VPS13D: variants seen among roughly 807,000 people sequenced by gnomAD.
The protein encoded by VPS13D is vacuolar protein sorting 13 homolog D.
VPS13D carries 187 observed loss-of-function variants against 461.9 expected under a neutral mutation model. The observed-to-expected ratio is 0.40, with a 90% confidence interval of 0.36 to 0.46. VPS13D has a LOEUF of 0.46. VPS13D is among the 20% of genes least tolerant of loss of function. The pLI is 0.60. For missense variants in VPS13D, 4,711 were observed against 5,364.9 expected, an observed-to-expected ratio of 0.88 and a Z score of 3.81; for synonymous variants, 1,951 against 1,986.3, an observed-to-expected ratio of 0.98 and a Z score of 0.47.
chr1:12,342,965 T>C lies in VPS13D; in HGVS notation c.8799T>C (p.Asp2933=). The C allele has an allele frequency of 6.2e-7, 1 of 1,614,000 alleles. No individual in the cohort carries two copies. Among genetic ancestry groups the C allele is most frequent in the South Asian group, 1.1e-5 (1 of 91,066 alleles). Reference sequence around the variant, plus strand: ...AAGGGAACGGAACATTTCTCGATGATACTCACAATGTTAGTGAATGGCGAG... The same window carrying C: ...AAGGGAACGGAACATTTCTCGATGACACTCACAATGTTAGTGAATGGCGAG... The part of the protein sequence containing the change: ...VPEGNGTFLD[D]THNVSEWREV... The change falls in exon 42 of 70, where the codon GAT becomes GAC. Residue 2933 remains aspartate, a synonymous_variant. Coordinates refer to ENST00000620676, the MANE Select transcript of VPS13D (RefSeq NM_015378.4).
intron 65 of VPS13D, among the ~76,000 whole-genome samples, chr1:12,421,288 C>A (rs1644860818): frequency 6.6e-6 from 1 of 152,212 alleles, no homozygotes; most frequent in African/African-American, 2.4e-5. Flanking sequence ...TGATCCCATT[C>A]CTGAGGTCAT....
At chr1:12,494,719 C>T (rs1645933206) in intron 67 of VPS13D, among the ~76,000 whole-genome samples, 1 of 152,170 alleles carries the variant, frequency 6.6e-6, no homozygotes, top group Admixed American at 6.5e-5. Flanking sequence ...AGGACACTGC[C>T]GTCATGTCCC....
At chr1:12,454,460 T>G (rs1050600255) in intron 65 of VPS13D, among the ~76,000 whole-genome samples, 3 of 152,306 alleles carry the variant, frequency 2.0e-5, no homozygotes, top group African/African-American at 7.2e-5. Context: ...AGCAAACAAA[T>G]AATGATAGGG....
rs748231307 is a variant in VPS13D, at chr1:12,261,107, T to C, written c.1372T>C (p.Ser458Pro). 9.3e-6 allele frequency: 15 copies of C among 1,614,144 alleles called. No individual in the cohort carries two copies. The highest frequency in any genetic ancestry group is 9.3e-6 in the Non-Finnish European group (11 of 1,180,020). ...AGAAGGGAATGTGGTTGAGGGACTG[T>C]CAGCAGAGCAACAGGAGCAGTGGAT... is the stretch of plus-strand genomic sequence containing the variant. Reference protein sequence around the residue: ...TPEGNVVEGLSAEQQEQWIPE... With the variant: ...TPEGNVVEGLPAEQQEQWIPE... The change falls in exon 12 of 70, where the codon TCA becomes CCA. Residue 458 changes from serine to proline, a missense_variant. By Grantham distance (74) the Ser-to-Pro change is moderately conservative. Coordinates refer to ENST00000620676, the MANE Select transcript of VPS13D (RefSeq NM_015378.4).
chr1:12,446,604 A>G (rs1465439706), intron 65 of VPS13D, among the ~76,000 whole-genome samples: 1 of 152,086 alleles, frequency 6.6e-6, no homozygotes, highest in Non-Finnish European at 1.5e-5. Context: ...GTATCTCCAT[A>G]TATGTCCATT....
intron 35 of VPS13D, among the ~76,000 whole-genome samples, chr1:12,327,323 C>T (rs1241631418): frequency 6.6e-6 from 1 of 152,204 alleles, no homozygotes; most frequent in African/African-American, 2.4e-5. Flanking sequence ...CTCTCCTCTC[C>T]TTCAACAGAT....
At position 12,353,960 on chromosome 1, in the gene VPS13D, T is replaced by C; in HGVS notation, c.9432-14T>C. 1 of 1,610,366 alleles carries C rather than the reference T, an allele frequency of 6.2e-7. No homozygotes were observed. Among genetic ancestry groups the C allele is most frequent in the Non-Finnish European group, 8.5e-7 (1 of 1,177,332 alleles). ...ATTAAGTCTGATGATTTTTACACCA[T>C]TTTATCTTCATAGGTTTTGTGTGGC... On this transcript the variant is annotated splice_polypyrimidine_tract_variant and intron_variant, in intron 46 of 69. Transcript: ENST00000620676.
chr1:12,352,160 A>G (rs2101595100), intron 46 of VPS13D, among the ~76,000 whole-genome samples: 1 of 151,708 alleles, frequency 6.6e-6, no homozygotes, highest in East Asian at 2.0e-4. Flanking sequence ...ACATGGTGGT[A>G]CACGCCTGTA....
At chr1:12,290,938 A>G in intron 22 of VPS13D, 60 bp from the exon 23 acceptor site, 1 of 1,512,708 alleles carries the variant, frequency 6.6e-7, no homozygotes, top group African/African-American at 1.4e-5. Context: ...TTCCAGACAT[A>G]TTTAAGTTGT....
At chr1:12,346,682 T>C (rs530270483) in intron 44 of VPS13D, 30 bp downstream of exon 44, 2 of 1,602,502 alleles carry the variant, frequency 1.2e-6, no homozygotes, top group East Asian at 4.5e-5. Flanking sequence ...TGTCATTGTG[T>C]TTATTGCGTA....
intron 65 of VPS13D, among the ~76,000 whole-genome samples, chr1:12,428,116 T>C (rs1413990216): frequency 6.6e-6 from 1 of 152,234 alleles, no homozygotes; most frequent in African/African-American, 2.4e-5. Context: ...TTCTACAGTG[T>C]TGGGGATGAG....
chr1:12,493,482 C>G (rs1456106459), intron 67 of VPS13D, among the ~76,000 whole-genome samples: 1 of 55,458 alleles, frequency 1.8e-5, no homozygotes, highest in African/African-American at 7.2e-5. Flanking sequence ...GACTCCATCT[C>G]AAAAAAAAAA....
Position 12,277,500 on chromosome 1 carries a change from G to A in VPS13D, c.3912G>A (p.Thr1304=). 2.5e-6 allele frequency: 4 copies of A among 1,614,082 alleles called. No individual in the cohort carries two copies. The highest frequency in any genetic ancestry group is 2.2e-5 in the South Asian group (2 of 91,080). Residue 1304 remains threonine, a synonymous_variant, in exon 19 of 70, where the codon ACG becomes ACA. Transcript: ENST00000620676. ...NHSAKFLKEL[T]LSMDELEENF... ...CTGCTAAGTTTTTGAAGGAGTTGAC[G>A]TTATCCATGGATGAACTGGAAGAAA... is the stretch of plus-strand genomic sequence containing the variant.
At chr1:12,419,970 G>C (rs1644842712) in intron 65 of VPS13D, among the ~76,000 whole-genome samples, 1 of 152,222 alleles carries the variant, frequency 6.6e-6, no homozygotes. Context: ...AAAAGGTAGA[G>C]TAAAAGTATG....
intron 35 of VPS13D, among the ~76,000 whole-genome samples, chr1:12,326,800 C>T (rs939177995): frequency 3.9e-5 from 6 of 152,144 alleles, no homozygotes; most frequent in African/African-American, 9.6e-5. Context: ...CATGCCACCA[C>T]GCCCAGCTAA....
In VPS13D at chr1:12,417,036, G is replaced by A. The variant is rs72868274; in HGVS notation, c.12333+209G>A. Among the ~76,000 whole-genome samples the A allele has an allele frequency of 0.055, 8,297 of 151,926 alleles. 437 individuals carry two copies. The highest frequency in any genetic ancestry group is 0.12 in the African/African-American group (5,150 of 41,378). ...AAATACCTCTTCCTCCTTCCTCTCC[G>A]TTGCCACTGCCTTAGTCCAGGCATT... is the stretch of plus-strand genomic sequence containing the variant. On this transcript the variant is annotated intron_variant, in intron 65 of 69. Coordinates refer to ENST00000620676, the MANE Select transcript of VPS13D (RefSeq NM_015378.4).
chr1:12,490,083 C>G (rs946514003), intron 67 of VPS13D, among the ~76,000 whole-genome samples: 8 of 152,168 alleles, frequency 5.3e-5, no homozygotes, highest in Non-Finnish European at 7.3e-5. Context: ...TTAATTCATC[C>G]CAGTCTTCTT....
chr1:12,239,216 C>T (rs1051314638), intron 2 of VPS13D, among the ~76,000 whole-genome samples: 2 of 151,920 alleles, frequency 1.3e-5, no homozygotes, highest in African/African-American at 4.8e-5. Context: ...GTTCACTGCA[C>T]CCTCAACCTC....
rs765170972 is a variant in VPS13D at position 12,313,299 on chromosome 1, C to CTTT, written c.6936-792_6936-790dup. 8.5e-4 allele frequency among the ~76,000 whole-genome samples: 100 copies of CTTT among 117,582 alleles called. 4 individuals carry two copies. Among genetic ancestry groups the CTTT allele is most frequent in the African/African-American group, 3.3e-3 (96 of 29,520 alleles). The allele number at this position is 117,582 out of a possible 152,430, so 77.1% of individuals were successfully genotyped here. A position where few individuals can be genotyped will look rare whatever the true frequency, so the allele number is the denominator to read the frequency against. On this transcript the variant is annotated intron_variant, in intron 29 of 69. Transcript: ENST00000620676. ...TGTGAGCTAGCAATTTTATTCTTTC[C>CTTT]TTTTTTTTTTTTTTTTTTTTTTTTT...
Sources: gnomAD v4.1 joint callset for allele counts (sites outside exome capture counted in the v4.1 genomes callset) on GRCh38, gnomAD v4.1.1 for gene constraint, MANE v1.5 for transcripts, NCBI Gene and HGNC (gene_info 2026-07-23, HGNC 2026-07-21) for gene names.